SAMD5: variants seen among roughly 807,000 people sequenced by gnomAD.
SAMD5 encodes sterile alpha motif domain-containing protein 5.
SAMD5 carries 13 observed loss-of-function variants against 11.3 expected under a neutral mutation model. The observed-to-expected ratio is 1.15, with a 90% CI of 0.75 to 1.83. The LOEUF is 1.83. Among genes scored for constraint, SAMD5 ranks in the 40% most tolerant of loss-of-function variants. The pLI is 0.00. For synonymous variants in SAMD5, 129 were observed against 111.3 expected (o/e 1.16, Z -1.00); for missense variants, 255 against 239.1 (o/e 1.07, Z -0.44).
intron 1 of SAMD5, among the ~76,000 whole-genome samples, chr6:147,657,327 G>A (rs191790265): frequency 5.1e-4 from 77 of 152,278 alleles, no homozygotes; most frequent in African/African-American, 1.8e-3. Context: ...ATGTCCTGAA[G>A]TTGATAACTG....
chr6:147,935,300 T>C, the SAMD5 span, among the ~76,000 whole-genome samples: 2 of 152,138 alleles, frequency 1.3e-5, no homozygotes, highest in African/African-American at 2.4e-5. Context: ...TGATATCATA[T>C]GGCCTTGAAG....
chr6:147,780,581 A>T, the SAMD5 span, among the ~76,000 whole-genome samples: 1 of 152,208 alleles, frequency 6.6e-6, no homozygotes, highest in Non-Finnish European at 1.5e-5. Context: ...TGAAATATGG[A>T]TCAGTGTTTC....
chr6:147,660,002 G>A (rs1417228237), intron 1 of SAMD5, among the ~76,000 whole-genome samples: 1 of 152,088 alleles, frequency 6.6e-6, no homozygotes, highest in Non-Finnish European at 1.5e-5. Context: ...TGGCAATCAC[G>A]ATGCTATTAG....
rs112878905 is a variant in SAMD5, at chr6:147,693,438, A to G, written c.163-43879A>G. Reference sequence around the variant, plus strand: ...AGATTCATAAGGCCGTATGCTGCAGAGCCCCACGTCCTGCCCTGGGGCAAT... The same window carrying G: ...AGATTCATAAGGCCGTATGCTGCAGGGCCCCACGTCCTGCCCTGGGGCAAT... On this transcript the variant is annotated intron_variant, in intron 1 of 1. Transcript: ENST00000566741. Among the ~76,000 whole-genome samples the G allele has an allele frequency of 3.1e-3, 467 of 152,338 alleles. 2 individuals carry two copies. Among genetic ancestry groups the G allele is most frequent in the African/African-American group, 0.011 (447 of 41,582 alleles).
At chr6:147,784,134 A>G in the SAMD5 span, among the ~76,000 whole-genome samples, 4 of 152,166 alleles carry the variant, frequency 2.6e-5, no homozygotes, top group Non-Finnish European at 4.4e-5. Flanking sequence ...AAACGGTGGT[A>G]GAAGAGAAAA....
At chr6:147,699,260 C>T (rs1762617185) in intron 1 of SAMD5, among the ~76,000 whole-genome samples, 1 of 152,176 alleles carries the variant, frequency 6.6e-6, no homozygotes, top group Non-Finnish European at 1.5e-5. Context: ...TAAATCTTCC[C>T]TGCATTTGCA....
chr6:147,899,857 A>G, the SAMD5 span, among the ~76,000 whole-genome samples: 3 of 152,190 alleles, frequency 2.0e-5, no homozygotes, highest in African/African-American at 7.2e-5. Flanking sequence ...AATTATTCAC[A>G]CCAAGTTGTA....
intron 1 of SAMD5, among the ~76,000 whole-genome samples, chr6:147,602,679 G>A (rs1042931659): frequency 6.6e-6 from 1 of 152,108 alleles, no homozygotes; most frequent in Admixed American, 6.5e-5. Flanking sequence ...GGGAGGCGGA[G>A]GTTGTAGTGA....
intron 1 of SAMD5, among the ~76,000 whole-genome samples, chr6:147,593,185 T>G (rs1362877309): frequency 2.6e-5 from 4 of 152,206 alleles, no homozygotes; most frequent in African/African-American, 7.2e-5. Flanking sequence ...TTCATTTTAC[T>G]GAACATTAAG....
At chr6:147,827,392 C>A in the SAMD5 span, among the ~76,000 whole-genome samples, 1 of 151,970 alleles carries the variant, frequency 6.6e-6, no homozygotes, top group South Asian at 2.1e-4. Flanking sequence ...AGTAAGTCAA[C>A]TGAGAAAAAT....
chr6:147,668,136 C>T (rs978841705), intron 1 of SAMD5, among the ~76,000 whole-genome samples: 6 of 152,142 alleles, frequency 3.9e-5, no homozygotes, highest in Non-Finnish European at 8.8e-5. Flanking sequence ...TATTCTCCTG[C>T]CCAACCTCAT....
At chr6:147,809,087 C>T in the SAMD5 span, among the ~76,000 whole-genome samples, 70 of 152,236 alleles carry the variant, frequency 4.6e-4, no homozygotes, top group East Asian at 8.1e-3. Context: ...GTAAAACAGA[C>T]GTTCATTGCC....
At chr6:147,878,454 A>G in the SAMD5 span, among the ~76,000 whole-genome samples, 2 of 151,806 alleles carry the variant, frequency 1.3e-5, no homozygotes, top group Non-Finnish European at 2.9e-5. Flanking sequence ...TGGGGTTAGA[A>G]TTTCAACATA....
the SAMD5 span, among the ~76,000 whole-genome samples, chr6:147,952,123 C>G: frequency 6.6e-6 from 1 of 152,096 alleles, no homozygotes; most frequent in Non-Finnish European, 1.5e-5. Context: ...GTCCAAGGCA[C>G]GCTGATTAAT....
chr6:147,531,923 A>G (rs1183404568), intron 1 of SAMD5, among the ~76,000 whole-genome samples: 4 of 152,210 alleles, frequency 2.6e-5, no homozygotes, highest in African/African-American at 9.6e-5. Flanking sequence ...ACTCAATATA[A>G]TAATTTCTCT....
intron 1 of SAMD5, among the ~76,000 whole-genome samples, chr6:147,509,600 C>T (rs781129449): frequency 3.3e-5 from 5 of 152,160 alleles, no homozygotes; most frequent in Non-Finnish European, 5.9e-5. Context: ...GCCCCCGCAT[C>T]CAGATGTTAT....
chr6:147,896,652 T>A, the SAMD5 span, among the ~76,000 whole-genome samples: 3 of 148,908 alleles, frequency 2.0e-5, no homozygotes, highest in African/African-American at 7.4e-5. Flanking sequence ...ACTAAAATGA[T>A]GGTAGTAAAA....
At chr6:147,547,210 A>T (rs188450779) in intron 1 of SAMD5, among the ~76,000 whole-genome samples, 5 of 152,226 alleles carry the variant, frequency 3.3e-5, no homozygotes, top group Admixed American at 6.5e-5. Context: ...GCTGCATAAT[A>T]AATAGCCACA....
At chr6:147,810,759 C>A in the SAMD5 span, among the ~76,000 whole-genome samples, 1 of 152,148 alleles carries the variant, frequency 6.6e-6, no homozygotes, top group African/African-American at 2.4e-5. Flanking sequence ...TATAATGGTA[C>A]AAAGAATGCA....
Sources: allele counts gnomAD v4.1 joint callset (sites outside exome capture counted in the v4.1 genomes callset), GRCh38; gene constraint gnomAD v4.1.1; transcripts MANE v1.5; gene names NCBI Gene and HGNC (gene_info 2026-07-23, HGNC 2026-07-21).